The following DTL variants were observed in gnomAD, a reference collection of about 807,000 sequenced individuals.
DTL encodes the protein denticleless E3 ubiquitin protein ligase adapter.
A neutral mutation model predicts 87.0 loss-of-function variants in DTL; 46 were observed. The observed-to-expected ratio is 0.53, with a 90% CI of 0.42 to 0.68. The LOEUF is 0.68. Ranked by LOEUF, DTL falls within the 30% of genes least tolerant of loss-of-function variation. The probability of loss-of-function intolerance (pLI) is 0.00; values close to 1 mark genes in which losing one functional copy is unlikely to be tolerated. For synonymous variants in DTL, 308 were observed against 311.2 expected, an observed-to-expected ratio of 0.99 and a Z score of 0.11; for missense variants, 737 against 869.4, an observed-to-expected ratio of 0.85 and a Z score of 1.91.
intron 5 of DTL, among the ~76,000 whole-genome samples, chr1:212,052,967 G>A (rs1281059232): frequency 2.6e-5 from 4 of 151,964 alleles, no homozygotes; most frequent in Admixed American, 2.0e-4. Flanking sequence ...AAACTTGAAC[G>A]CATTAGCAGT....
intron 13 of DTL, among the ~76,000 whole-genome samples, chr1:212,081,530 C>T (rs1168922443): frequency 6.6e-6 from 1 of 152,176 alleles, no homozygotes; most frequent in Non-Finnish European, 1.5e-5. Flanking sequence ...ATTCTTGCTC[C>T]TGTGTTGAGG....
rs181930511 is a variant in DTL, at chr1:212,042,799, G to A, written c.53-194G>A. Among the ~76,000 whole-genome samples the A allele has an allele frequency of 5.4e-3, 823 of 152,258 alleles. 7 individuals are homozygous for A. The highest frequency in any genetic ancestry group is 6.5e-3 in the Non-Finnish European group (441 of 68,012). On this transcript the variant is annotated intron_variant, in intron 1 of 14. Coordinates refer to ENST00000366991, the MANE Select transcript of DTL (RefSeq NM_016448.4). Reference sequence around the variant, plus strand: ...CAAAGCTATACCTCCCCAGAAGTTGGAAGTGCTCTTTCATTTTTTCCTTAG... The same window carrying A: ...CAAAGCTATACCTCCCCAGAAGTTGAAAGTGCTCTTTCATTTTTTCCTTAG...
At chr1:212,044,517 T>C (rs1310802715) in intron 2 of DTL, 143 bp from the exon 3 acceptor site, 2 of 528,882 alleles carry the variant, frequency 3.8e-6, no homozygotes, top group African/African-American at 3.9e-5. Flanking sequence ...GGCAGGAGAA[T>C]CACTTGAACC....
At chr1:212,073,172 T>C (rs1654727803) in intron 11 of DTL, among the ~76,000 whole-genome samples, 1 of 152,208 alleles carries the variant, frequency 6.6e-6, no homozygotes, top group African/African-American at 2.4e-5. Context: ...AATAAAAATG[T>C]TAGACAACAG....
intron 13 of DTL, among the ~76,000 whole-genome samples, chr1:212,096,026 T>A (rs1655435676): frequency 6.6e-6 from 1 of 152,182 alleles, no homozygotes; most frequent in Non-Finnish European, 1.5e-5. Flanking sequence ...GCAATTTTTT[T>A]ATTACCATTT....
intron 1 of DTL, among the ~76,000 whole-genome samples, chr1:212,038,847 T>C (rs1012469820): frequency 2.0e-5 from 3 of 152,246 alleles, no homozygotes; most frequent in Non-Finnish European, 2.9e-5. Flanking sequence ...ATTGGGAATA[T>C]TGACATTTTA....
intron 13 of DTL, among the ~76,000 whole-genome samples, chr1:212,087,662 A>C (rs1449683127): frequency 6.6e-6 from 1 of 152,172 alleles, no homozygotes; most frequent in Non-Finnish European, 1.5e-5. Context: ...TCTGAAGAGC[A>C]CTACGAAGCA....
chr1:212,052,139 T>C, intron 5 of DTL: 1 of 654,652 alleles, frequency 1.5e-6, no homozygotes. Flanking sequence ...GAGAACTCTG[T>C]GGTTGTTAAA....
In DTL at chr1:212,055,038, C is replaced by T. The variant is rs115362231; in HGVS notation, c.460+7621C>T. ...AGATGCATCTGGTACTCACCTCTTT[C>T]ACAGAGTGGAACCAAAATAGTGAGA... On this transcript the variant is annotated intron_variant, in intron 5 of 14. Transcript: ENST00000366991. Among the ~76,000 whole-genome samples, 871 of 152,218 alleles carry T rather than the reference C, an allele frequency of 5.7e-3. 6 individuals carry two copies. The highest frequency in any genetic ancestry group is 0.019 in the African/African-American group (806 of 41,528).
chr1:212,061,019 C>G (rs1009990928), intron 5 of DTL, among the ~76,000 whole-genome samples: 2 of 152,036 alleles, frequency 1.3e-5, no homozygotes, highest in African/African-American at 2.4e-5. Context: ...ACAAGGAACT[C>G]GAACAACTCA....
intron 1 of DTL, among the ~76,000 whole-genome samples, chr1:212,042,065 A>G (rs1202760077): frequency 6.6e-6 from 1 of 152,196 alleles, no homozygotes; most frequent in African/African-American, 2.4e-5. Context: ...GAGTTTGTTA[A>G]TTATTTAAGA....
chr1:212,049,125 G>A (rs1439272408), intron 5 of DTL, among the ~76,000 whole-genome samples: 4 of 152,140 alleles, frequency 2.6e-5, no homozygotes, highest in Admixed American at 2.0e-4. Context: ...GTTTCGCCAT[G>A]TCGGCCAGGT....
intron 2 of DTL, among the ~76,000 whole-genome samples, chr1:212,044,402 C>T (rs1303356555): frequency 1.3e-5 from 2 of 151,974 alleles, no homozygotes; most frequent in Non-Finnish European, 2.9e-5. Context: ...GTCAGGAGTT[C>T]GAGAGCAGCC....
rs1007018491 is a variant in DTL at position 212,103,866 on chromosome 1, T to C, written c.*926T>C. 2.6e-5 allele frequency: 4 copies of C among 152,226 alleles called. No homozygotes were observed. The highest frequency in any genetic ancestry group is 4.4e-5 in the Non-Finnish European group (3 of 68,034). 9.4% of individuals were successfully genotyped at this position (152,226 alleles called of 1,614,324 possible). A position where few individuals can be genotyped will look rare whatever the true frequency, so the allele number is the denominator to read the frequency against. Reference sequence around the variant, plus strand: ...TTAAGAAAAAAGTGATGATTTCTTATTGATATTTTTGTAACAGAATATAGC... The same window carrying C: ...TTAAGAAAAAAGTGATGATTTCTTACTGATATTTTTGTAACAGAATATAGC... On this transcript the variant is annotated 3_prime_UTR_variant, in exon 15 of 15. Coordinates refer to ENST00000366991, the MANE Select transcript of DTL (RefSeq NM_016448.4).
intron 2 of DTL, 46 bp from the exon 3 acceptor site, chr1:212,044,614 A>T: frequency 1.5e-6 from 2 of 1,301,330 alleles, no homozygotes; most frequent in Non-Finnish European, 2.1e-6. Context: ...AAAAAAAAAA[A>T]AAAATTGTGT....
At chr1:212,047,629 A>G (rs750677840) in intron 5 of DTL, among the ~76,000 whole-genome samples, 31 of 152,120 alleles carry the variant, frequency 2.0e-4, no homozygotes, top group Admixed American at 3.3e-4. Context: ...GCTGCCTCCC[A>G]GGTTCAAGTG....
chr1:212,045,725 G>C (rs752861930), intron 3 of DTL, among the ~76,000 whole-genome samples: 2 of 152,154 alleles, frequency 1.3e-5, no homozygotes, highest in Non-Finnish European at 2.9e-5. Context: ...GACGGGAAAA[G>C]CATTAGCAAA....
intron 13 of DTL, 97 bp downstream of exon 13, chr1:212,080,847 T>C: frequency 3.7e-6 from 5 of 1,349,248 alleles, no homozygotes; most frequent in Non-Finnish European, 5.1e-6. Flanking sequence ...CTTTGGTATG[T>C]TTTTAAAGAA....
chr1:212,047,473 A>G, intron 5 of DTL, 56 bp downstream of exon 5: 1 of 1,601,162 alleles, frequency 6.2e-7, no homozygotes, highest in Non-Finnish European at 8.5e-7. Context: ...GTTGGGAGAT[A>G]AGAACCTGTA....
Sources: allele counts gnomAD v4.1 joint callset (sites outside exome capture counted in the v4.1 genomes callset), GRCh38; gene constraint gnomAD v4.1.1; transcripts MANE v1.5; gene names NCBI Gene and HGNC (gene_info 2026-07-23, HGNC 2026-07-21).